TBC1D10A: variants seen among roughly 807,000 people sequenced by gnomAD.
TBC1D10A encodes TBC1 domain family member 10A, also known as EBP50-PDX interactor of 64 kDa.
Under a neutral mutation model 52.9 loss-of-function variants are expected in TBC1D10A, and 24 were observed. That is an observed-to-expected ratio of 0.45 (90% CI 0.33 to 0.64). TBC1D10A has a LOEUF of 0.64. Among genes scored for constraint, TBC1D10A ranks in the 30% least tolerant of loss-of-function variants. The pLI, the probability that TBC1D10A is intolerant of heterozygous loss-of-function variation, is 0.02. For synonymous variants in TBC1D10A, 278 were observed against 282.9 expected (o/e 0.98, Z 0.17); for missense variants, 602 against 687.9 (o/e 0.88, Z 1.40).
chr22:30,319,354 C>T (rs2145784486), intron 1 of TBC1D10A, among the ~76,000 whole-genome samples: 1 of 152,322 alleles, frequency 6.6e-6, no homozygotes, highest in Non-Finnish European at 1.5e-5. Flanking sequence ...GGCAATAAAA[C>T]ACAGACATCT....
At position 30,326,855 on chromosome 22, in the gene TBC1D10A, C is replaced by T. The variant is rs926147230; in HGVS notation, c.27G>A (p.Gly9=). The part of the protein sequence containing the change: MAKSNGEN[G]PRAPAAGESL... The stretch of plus-strand genomic sequence containing the variant: ...TTTCCCCGGCCGCGGGCGCGCGCGG[C>T]CCATTCTCTCCGTTGCTCTTCGCCA... The change falls in exon 1 of 9, where the codon GGG becomes GGA. Residue 9 remains glycine, a synonymous_variant. Coordinates refer to ENST00000215790, the MANE Select transcript of TBC1D10A (RefSeq NM_031937.3). 3.3e-6 allele frequency: 5 copies of T among 1,502,496 alleles called. No individual in the cohort carries two copies. In the African/African-American group the frequency reaches 7.3e-5, roughly 22 times the overall value. 93.1% of individuals were successfully genotyped at this position (1,502,496 alleles called of 1,614,324 possible). A position where few individuals can be genotyped will look rare whatever the true frequency, so the allele number is the denominator to read the frequency against.
At chr22:30,315,916 G>A in intron 1 of TBC1D10A, among the ~76,000 whole-genome samples, 1 of 152,176 alleles carries the variant, frequency 6.6e-6, no homozygotes, top group East Asian at 1.9e-4. Context: ...AAGGGGAGGA[G>A]GAGAGGCCAC....
rs536899493 is a variant in TBC1D10A, at chr22:30,303,211, C to T, written c.309+1320G>A. Among the ~76,000 whole-genome samples the T allele has an allele frequency of 2.6e-3, 390 of 152,236 alleles. 1 individual carries two copies. Among genetic ancestry groups the T allele is most frequent in the African/African-American group, 8.3e-3 (345 of 41,528 alleles). ...GGAGAATCACTTAACTCCAGGAGTT[C>T]GAGGCTGCAGTGAGCCAAGATCATA... On this transcript the variant is annotated intron_variant, in intron 2 of 8. Coordinates refer to ENST00000215790, the MANE Select transcript of TBC1D10A (RefSeq NM_031937.3).
intron 2 of TBC1D10A, 90 bp from the exon 3 acceptor site, chr22:30,299,641 T>C (rs1047869309): frequency 1.7e-6 from 2 of 1,179,064 alleles, no homozygotes; most frequent in Non-Finnish European, 2.5e-6. Flanking sequence ...GGGCCCTCAG[T>C]GCACACAGCA....
intron 1 of TBC1D10A, among the ~76,000 whole-genome samples, chr22:30,315,795 C>G (rs1394709499): frequency 6.6e-6 from 1 of 152,154 alleles, no homozygotes; most frequent in South Asian, 2.1e-4. Context: ...AGTCCTGGGA[C>G]AGGAATTGTG....
At chr22:30,325,944 G>C (rs947733075) in intron 1 of TBC1D10A, among the ~76,000 whole-genome samples, 6 of 152,222 alleles carry the variant, frequency 3.9e-5, no homozygotes, top group African/African-American at 1.4e-4. Flanking sequence ...CGCCCTGTAC[G>C]TGCTGGGAAG....
intron 1 of TBC1D10A, among the ~76,000 whole-genome samples, chr22:30,316,042 A>G (rs1352571067): frequency 6.6e-6 from 1 of 152,166 alleles, no homozygotes; most frequent in Non-Finnish European, 1.5e-5. Flanking sequence ...AGGGTAAAAT[A>G]ATAGCCTACC....
rs924452043 is a variant in TBC1D10A, at chr22:30,324,781, G to A, written c.209+1892C>T. On this transcript the variant is annotated intron_variant, in intron 1 of 8. Transcript: ENST00000215790. ...ATGTTGGGAAGTGGGTGTTACTGTC[G>A]CCCTTTACAGTGAGTAAACAGGCTC... Among the ~76,000 whole-genome samples the A allele has an allele frequency of 7.9e-5, 12 of 152,170 alleles. 1 individual carries two copies. The highest frequency in any genetic ancestry group is 3.3e-4 in the Admixed American group (5 of 15,272).
chr22:30,314,413 A>G (rs546458587), intron 1 of TBC1D10A, among the ~76,000 whole-genome samples: 1 of 152,204 alleles, frequency 6.6e-6, no homozygotes. Flanking sequence ...TGTAGGTGAA[A>G]GCCTCGTCCA....
intron 1 of TBC1D10A, among the ~76,000 whole-genome samples, chr22:30,308,842 T>C (rs1244679247): frequency 1.3e-5 from 2 of 152,222 alleles, no homozygotes; most frequent in Non-Finnish European, 2.9e-5. Context: ...GTCCCTCTAA[T>C]AGCCCAGTGA....
At position 30,295,753 on chromosome 22, in the gene TBC1D10A, A is replaced by C. The variant is rs769955491; in HGVS notation, c.508T>G (p.Ser170Ala). 3.7e-6 allele frequency: 6 copies of C among 1,613,984 alleles called. No homozygotes were observed. Among genetic ancestry groups the C allele is most frequent in the East Asian group, 4.5e-5 (2 of 44,880 alleles). ...RQFPFHEMFV[S>A]RGGHGQQDLF... The stretch of plus-strand genomic sequence containing the variant: ...CCTGCTCACCCGTGGCCCCCCCGGG[A>C]CACAAACATCTCATGGAATGGGAAC... The change falls in exon 4 of 9, where the codon TCC (serine) becomes GCC (alanine). Residue 170 changes from serine (S) to alanine (A), a missense_variant. Around this residue, in one of 3 missense-constraint regions of TBC1D10A, gnomAD observed 136 missense variants for 208.4 expected, o/e 0.65. Transcript: ENST00000215790.
rs570216712 is a variant in TBC1D10A at position 30,311,245 on chromosome 22, G to C, written c.210-6615C>G. Among the ~76,000 whole-genome samples, 8 of 152,328 alleles carry C rather than the reference G, an allele frequency of 5.3e-5. 2 individuals are homozygous for C. In the South Asian group the frequency reaches 1.7e-3, roughly 32 times the overall value. On this transcript the variant is annotated intron_variant, in intron 1 of 8. Transcript: ENST00000215790. ...GCAGGAGAGGGTAGGCTGGTGGTGT[G>C]CAAATGGCTGTCAGGACTGGGAAAC...
At position 30,326,797 on chromosome 22, in the gene TBC1D10A, C is replaced by T. The variant is rs985439622; in HGVS notation, c.85G>A (p.Gly29Ser). The T allele has an allele frequency of 1.3e-6, 2 of 1,496,258 alleles. No homozygotes were observed. Among genetic ancestry groups the T allele is most frequent in the African/African-American group, 1.5e-5 (1 of 68,814 alleles). 92.7% of individuals were successfully genotyped at this position (1,496,258 alleles called of 1,614,324 possible). Residue 29 changes from glycine (G) to serine (S), a missense_variant, in exon 1 of 9, where the codon GGC becomes AGC. Transcript: ENST00000215790. ...LSGTRESLAQ[G>S]PDAATTDELS... is the part of the protein sequence containing the mutation. ...TCGTCGGTGGTTGCGGCGTCGGGGC[C>T]CTGGGCCAGGCTCTCCCGGGTTCCC...
At position 30,294,854 on chromosome 22, in the gene TBC1D10A, A is replaced by G; in HGVS notation, c.647T>C (p.Phe216Ser). ...LLMHMPAEQA[F>S]WCLVQICEKY... ...CTCACAGATCTGTACCAGGCACCAG[A>G]AGGCTTGCTGTGGGCAAGAGAGATG... The change falls in exon 6 of 9, where the codon TTC becomes TCC. Residue 216 changes from phenylalanine (F) to serine (S), a missense_variant. This residue lies in a region of TBC1D10A where 136 missense variants were observed against 208.4 expected (regional missense o/e 0.65). Transcript: ENST00000215790. 6.2e-7 allele frequency: 1 copy of G among 1,614,108 alleles called. No individual in the cohort carries two copies. The highest frequency in any genetic ancestry group is 8.5e-7 in the Non-Finnish European group (1 of 1,180,016).
At chr22:30,308,221 T>C (rs1218861198) in intron 1 of TBC1D10A, among the ~76,000 whole-genome samples, 1 of 150,486 alleles carries the variant, frequency 6.6e-6, no homozygotes, top group Non-Finnish European at 1.5e-5. Context: ...GCTCATGCTC[T>C]TGACCCTTGT....
intron 1 of TBC1D10A, among the ~76,000 whole-genome samples, chr22:30,308,505 A>G (rs1248189222): frequency 6.6e-6 from 1 of 152,268 alleles, no homozygotes; most frequent in Non-Finnish European, 1.5e-5. Context: ...CCTTACATGT[A>G]CTAATGCACT....
intron 8 of TBC1D10A, chr22:30,293,186 C>A: frequency 1.6e-6 from 1 of 641,426 alleles, no homozygotes; most frequent in Non-Finnish European, 3.0e-6. Context: ...CCAGGGCAGC[C>A]TGGCTGCTTA....
chr22:30,326,286 G>A lies in TBC1D10A; in HGVS notation c.209+387C>T, dbSNP rs545319599. 1.1e-4 allele frequency among the ~76,000 whole-genome samples: 17 copies of A among 151,710 alleles called. No homozygotes were observed. The East Asian group carries it at 2.5e-3, about 23-fold the overall frequency. ...AGAATGAGTGTCTATGGAGGGGGGC[G>A]CCAGCCATCTGGGAGCCTGTCGGGG... On this transcript the variant is annotated intron_variant, in intron 1 of 8. Coordinates refer to ENST00000215790, the MANE Select transcript of TBC1D10A (RefSeq NM_031937.3).
chr22:30,309,358 T>C (rs1173573413), intron 1 of TBC1D10A, among the ~76,000 whole-genome samples: 2 of 152,056 alleles, frequency 1.3e-5, no homozygotes, highest in African/African-American at 4.8e-5. Flanking sequence ...TGCTTCAGCA[T>C]CCCAAGTAGC....
Sources: gnomAD v4.1 joint callset for allele counts (sites outside exome capture counted in the v4.1 genomes callset) on GRCh38, gnomAD v4.1.1 for gene constraint, gnomAD v4.1.1 regional missense constraint, MANE v1.5 for transcripts, NCBI Gene and HGNC (gene_info 2026-07-23, HGNC 2026-07-21) for gene names.